Variants in PREX1 observed in about 807,000 individuals in gnomAD.
The protein encoded by PREX1 is phosphatidylinositol 3,4,5-trisphosphate-dependent Rac exchanger 1 protein.
A neutral mutation model predicts 198.3 loss-of-function variants in PREX1; 41 were observed. The observed-to-expected ratio is 0.21, with a 90% CI of 0.16 to 0.27. The LOEUF is 0.27. Among genes scored for constraint, PREX1 ranks in the 10% least tolerant of loss-of-function variants. The pLI is 1.00. For missense variants in PREX1, 1,620 were observed against 2,200.7 expected (o/e 0.74, Z 5.28); for synonymous variants, 843 against 887.2 (o/e 0.95, Z 0.89).
At chr20:48,634,924 T>A in intron 32 of PREX1, 149 bp from the exon 33 acceptor site, 1 of 653,600 alleles carries the variant, frequency 1.5e-6, no homozygotes, top group Non-Finnish European at 2.8e-6. Context: ...AGAGTGGATG[T>A]GAAATCATGG....
intron 1 of PREX1, among the ~76,000 whole-genome samples, chr20:48,763,873 A>T (rs2426088): frequency 1.3e-5 from 2 of 151,924 alleles, no homozygotes; most frequent in South Asian, 2.1e-4. Context: ...CAGTTTAGGG[A>T]GTGTCAACTA....
chr20:48,632,285 G>A lies in PREX1; in HGVS notation c.4518C>T (p.Arg1506=). 6.2e-7 allele frequency: 1 copy of A among 1,614,052 alleles called. No individual in the cohort carries two copies. Among genetic ancestry groups the A allele is most frequent in the Non-Finnish European group, 8.5e-7 (1 of 1,180,012 alleles). ...GGACCCCAGGCGGATACCTGAGTTT[G>A]CGGTAATACTGCTGAACTTTCTCCA... ...QSLEKVQQYY[R]KLRAFYLERS... Residue 1506 remains arginine, a synonymous_variant, in exon 35 of 40, where the codon CGC becomes CGT. Coordinates refer to ENST00000371941, the MANE Select transcript of PREX1 (RefSeq NM_020820.4).
intron 1 of PREX1, among the ~76,000 whole-genome samples, chr20:48,779,458 G>A (rs972629207): frequency 3.3e-5 from 5 of 152,174 alleles, no homozygotes; most frequent in Non-Finnish European, 7.4e-5. Flanking sequence ...TTCCCATAAA[G>A]TCAAATATCT....
At chr20:48,834,359 G>A in the PREX1 span, among the ~76,000 whole-genome samples, 2 of 152,080 alleles carry the variant, frequency 1.3e-5, no homozygotes, top group Admixed American at 1.3e-4. Context: ...ATATGTCTGG[G>A]TTATTTTTTT....
intron 1 of PREX1, among the ~76,000 whole-genome samples, chr20:48,800,463 G>A (rs905136943): frequency 3.3e-5 from 5 of 152,176 alleles, no homozygotes; most frequent in Non-Finnish European, 7.3e-5. Flanking sequence ...TAGTAACAGC[G>A]ACAGCAGCCA....
At chr20:48,868,271 A>C in the PREX1 span, among the ~76,000 whole-genome samples, 1 of 152,182 alleles carries the variant, frequency 6.6e-6, no homozygotes, top group Non-Finnish European at 1.5e-5. Context: ...ATCAGCTCCA[A>C]TCTGCTTTTG....
At chr20:48,796,351 T>G (rs1256440043) in intron 1 of PREX1, among the ~76,000 whole-genome samples, 3 of 149,220 alleles carry the variant, frequency 2.0e-5, no homozygotes, top group Non-Finnish European at 3.0e-5. Context: ...TCTATACAGC[T>G]ATCATTTTTG....
the PREX1 span, among the ~76,000 whole-genome samples, chr20:48,871,671 C>T: frequency 2.4e-5 from 2 of 84,564 alleles, no homozygotes; most frequent in South Asian, 4.8e-4. Context: ...GCTCAACCTC[C>T]TGCAAGCTGT....
intron 4 of PREX1, among the ~76,000 whole-genome samples, chr20:48,727,621 T>C (rs2090015854): frequency 6.6e-6 from 1 of 151,440 alleles, no homozygotes; most frequent in African/African-American, 2.4e-5. Flanking sequence ...GTGTGAGAGG[T>C]TTAGTCTTTT....
At chr20:48,741,853 G>T (rs1417853279) in intron 3 of PREX1, among the ~76,000 whole-genome samples, 1 of 152,184 alleles carries the variant, frequency 6.6e-6, no homozygotes, top group African/African-American at 2.4e-5. Context: ...CCTGGGGTGA[G>T]AATGGGCTTG....
chr20:48,850,969 G>A, the PREX1 span, among the ~76,000 whole-genome samples: 1 of 152,168 alleles, frequency 6.6e-6, no homozygotes, highest in Non-Finnish European at 1.5e-5. Context: ...AAATGGCTGG[G>A]ATGGGGGGAA....
upstream of PREX1, among the ~76,000 whole-genome samples, chr20:48,832,779 G>C (rs1294824530): frequency 6.6e-6 from 1 of 152,208 alleles, no homozygotes; most frequent in Non-Finnish European, 1.5e-5. Context: ...TCTCCAGGGG[G>C]CTCTGGTTCA....
At position 48,679,429 on chromosome 20, in the gene PREX1, GA is replaced by G. The variant is rs775773478; in HGVS notation, c.1540-21del. The G allele has an allele frequency of 2.5e-6, 4 of 1,610,604 alleles. No homozygotes were observed. The highest frequency in any genetic ancestry group is 3.4e-6 in the Non-Finnish European group (4 of 1,177,402). On this transcript the variant is annotated intron_variant, in intron 12 of 39. Transcript: ENST00000371941. ...CACACCCTGAAAGAAAAAAGGGGAG[GA>G]ATTCTGGGATCAGGCCACATCCTTC...
intron 1 of PREX1, among the ~76,000 whole-genome samples, chr20:48,774,101 A>G (rs1193542450): frequency 6.6e-6 from 1 of 152,216 alleles, no homozygotes; most frequent in Non-Finnish European, 1.5e-5. Flanking sequence ...TTATTGAGAC[A>G]GGAAGACTGT....
At chr20:48,812,412 T>C (rs1238502392) in intron 1 of PREX1, among the ~76,000 whole-genome samples, 1 of 148,458 alleles carries the variant, frequency 6.7e-6, no homozygotes, top group Non-Finnish European at 1.5e-5. Context: ...AATGGGTAAA[T>C]AATGTAAGAG....
chr20:48,669,933 G>A (rs115748663), intron 14 of PREX1, among the ~76,000 whole-genome samples: 3,410 of 152,158 alleles, frequency 0.022, 148 homozygotes, highest in African/African-American at 0.078. Flanking sequence ...CATGAATTCC[G>A]AGACCCCATA....
the PREX1 span, among the ~76,000 whole-genome samples, chr20:48,857,783 A>T: frequency 2.0e-5 from 3 of 152,286 alleles, no homozygotes; most frequent in African/African-American, 7.2e-5. Flanking sequence ...AAAACAAAAC[A>T]AAAAAAGGTA....
intron 13 of PREX1, among the ~76,000 whole-genome samples, chr20:48,677,522 G>A (rs969329992): frequency 3.3e-5 from 5 of 152,178 alleles, no homozygotes; most frequent in Admixed American, 2.0e-4. Context: ...AGCACCTTCC[G>A]TGAATTTAAT....
chr20:48,670,836 C>G (rs1404454584), intron 14 of PREX1, among the ~76,000 whole-genome samples: 1 of 152,222 alleles, frequency 6.6e-6, no homozygotes, highest in Non-Finnish European at 1.5e-5. Context: ...CACACACAAA[C>G]ACACAGAGGA....
Sources: gnomAD v4.1 joint callset for allele counts (sites outside exome capture counted in the v4.1 genomes callset) on GRCh38, gnomAD v4.1.1 for gene constraint, MANE v1.5 for transcripts, NCBI Gene and HGNC (gene_info 2026-07-23, HGNC 2026-07-21) for gene names.